The following CHODL variants were observed in gnomAD, a reference collection of about 807,000 sequenced individuals.
CHODL encodes the protein chondrolectin, also known as transmembrane protein MT75.
A neutral mutation model predicts 34.5 loss-of-function variants in CHODL; 29 were observed. That is an observed-to-expected ratio of 0.84 (90% confidence interval 0.63 to 1.15). The LOEUF is 1.15. Among genes scored for constraint, CHODL ranks in the 50% most tolerant of loss-of-function variants. The pLI, the probability that CHODL is intolerant of heterozygous loss-of-function variation, is 0.00. For synonymous variants in CHODL, 125 were observed against 116.1 expected, an observed-to-expected ratio of 1.08 and a Z score of -0.49; for missense variants, 332 against 332.5, an observed-to-expected ratio of 1.00 and a Z score of 0.01.
chr21:18,224,570 G>T (rs968519294), intron 2 of CHODL, among the ~76,000 whole-genome samples: 2 of 152,088 alleles, frequency 1.3e-5, no homozygotes, highest in African/African-American at 4.8e-5. Flanking sequence ...CACTATTCCT[G>T]GATCTCTATT....
chr21:18,240,713 A>T (rs2074073523), upstream of CHODL, among the ~76,000 whole-genome samples: 1 of 152,208 alleles, frequency 6.6e-6, no homozygotes, highest in Non-Finnish European at 1.5e-5. Flanking sequence ...AGATTTCATT[A>T]CTTTAAATTA....
At chr21:17,917,697 A>T (rs528295385) in intron 1 of CHODL, among the ~76,000 whole-genome samples, 1 of 152,338 alleles carries the variant, frequency 6.6e-6, no homozygotes, top group African/African-American at 2.4e-5. Context: ...CAAACCCAAC[A>T]GAAGCCAGAG....
intron 2 of CHODL, among the ~76,000 whole-genome samples, chr21:18,207,659 CTTTTTTT>C (rs34259143): frequency 1.8e-5 from 1 of 55,952 alleles, no homozygotes; most frequent in Non-Finnish European, 3.0e-5. Context: ...AATCTCTCAG[CTTTTTTT>C]TTTTTTTTTT....
chr21:18,166,682 A>C (rs1469804444), intron 2 of CHODL, among the ~76,000 whole-genome samples: 1 of 152,030 alleles, frequency 6.6e-6, no homozygotes, highest in African/African-American at 2.4e-5. Context: ...AAATTATATT[A>C]ATATATTTTC....
chr21:18,075,474 A>T (rs2064853473), intron 2 of CHODL, among the ~76,000 whole-genome samples: 1 of 152,114 alleles, frequency 6.6e-6, no homozygotes, highest in South Asian at 2.1e-4. Flanking sequence ...TCTTGGATTG[A>T]CCCTTCATCA....
intron 1 of CHODL, among the ~76,000 whole-genome samples, chr21:17,979,121 C>G (rs535461449): frequency 8.5e-5 from 13 of 152,280 alleles, no homozygotes; most frequent in South Asian, 2.1e-4. Context: ...GGTCCATAAC[C>G]TTGATTACAT....
At chr21:18,001,929 A>T (rs2063910993) in intron 1 of CHODL, among the ~76,000 whole-genome samples, 1 of 152,114 alleles carries the variant, frequency 6.6e-6, no homozygotes, top group East Asian at 1.9e-4. Flanking sequence ...GTAGAATAAT[A>T]AATCAATGGG....
At chr21:18,107,214 C>A (rs2065284234) in intron 2 of CHODL, among the ~76,000 whole-genome samples, 1 of 152,152 alleles carries the variant, frequency 6.6e-6, no homozygotes, top group South Asian at 2.1e-4. Context: ...TAATGAATTG[C>A]TGGAAGCTTA....
intron 1 of CHODL, among the ~76,000 whole-genome samples, chr21:17,945,167 G>A (rs185399571): frequency 2.7e-5 from 4 of 148,166 alleles, no homozygotes; most frequent in African/African-American, 7.5e-5. Flanking sequence ...AGCCGAGATC[G>A]CTCCACTGCA....
rs530554505 is a variant in CHODL, at chr21:18,036,796, A to G, written c.-45+8825A>G. Reference sequence around the variant, plus strand: ...GGCAGATATGAGTGACTTCAGTAAAATTCCCATAAAATAATTAGAACTCTA... The same window carrying G: ...GGCAGATATGAGTGACTTCAGTAAAGTTCCCATAAAATAATTAGAACTCTA... On this transcript the variant is annotated intron_variant, in intron 2 of 6. Coordinates refer to the CHODL transcript ENST00000400127. 2.0e-5 allele frequency among the ~76,000 whole-genome samples: 3 copies of G among 152,106 alleles called. No homozygotes were observed. The East Asian group carries it at 5.8e-4, about 30-fold the overall frequency.
At position 18,070,020 on chromosome 21, in the gene CHODL, TTCCCTCC is replaced by T. The variant is rs1206514507; in HGVS notation, c.-45+42050_-45+42056del. Among the ~76,000 whole-genome samples the T allele has an allele frequency of 3.3e-3, 196 of 58,924 alleles. 2 individuals carry two copies. Among genetic ancestry groups the T allele is most frequent in the African/African-American group, 0.01 (191 of 18,694 alleles). 38.7% of individuals were successfully genotyped at this position (58,924 alleles called of 152,430 possible). ...TTCCCTTCCCTTCCCTTCCCTTCCC[TTCCCTCC>T]CCCCCCCCACCCATTTCCTTTGCTT... On this transcript the variant is annotated intron_variant, in intron 2 of 6. Transcript: ENST00000400127.
chr21:17,956,374 T>G (rs539071011), intron 1 of CHODL, among the ~76,000 whole-genome samples: 1 of 136,626 alleles, frequency 7.3e-6, no homozygotes, highest in East Asian at 2.2e-4. Context: ...CAGAAGCAGA[T>G]GCTAGCACTA....
chr21:17,977,074 A>G (rs2063669313), intron 1 of CHODL, among the ~76,000 whole-genome samples: 1 of 152,204 alleles, frequency 6.6e-6, no homozygotes, highest in South Asian at 2.1e-4. Flanking sequence ...AGAAGGGATC[A>G]AGGTGGATTC....
intron 2 of CHODL, among the ~76,000 whole-genome samples, chr21:18,217,706 C>T (rs2073844019): frequency 2.0e-5 from 3 of 152,128 alleles, no homozygotes; most frequent in African/African-American, 7.2e-5. Flanking sequence ...ACCCAAAAGT[C>T]CAAGTCCAAA....
At chr21:17,984,185 T>C (rs2063735910) in intron 1 of CHODL, among the ~76,000 whole-genome samples, 1 of 152,212 alleles carries the variant, frequency 6.6e-6, no homozygotes, top group Admixed American at 6.5e-5. Context: ...TTATTTCATT[T>C]AGCATAGTGG....
intron 1 of CHODL, among the ~76,000 whole-genome samples, chr21:17,963,048 A>AGC (rs2063543551): frequency 1.5e-5 from 2 of 135,294 alleles, no homozygotes; most frequent in Non-Finnish European, 3.2e-5. Context: ...TGAGTGAAAG[A>AGC]GCGAGACTAT....
At chr21:18,033,247 T>C (rs756500741) in intron 2 of CHODL, among the ~76,000 whole-genome samples, 1 of 151,916 alleles carries the variant, frequency 6.6e-6, no homozygotes, top group Admixed American at 6.6e-5. Flanking sequence ...ATAAAAGCGG[T>C]GACCTGCATT....
chr21:18,066,342 C>T (rs1568868455), intron 2 of CHODL, among the ~76,000 whole-genome samples: 1 of 152,092 alleles, frequency 6.6e-6, no homozygotes, highest in Non-Finnish European at 1.5e-5. Context: ...AGTTTTATAT[C>T]TGGTTTTTAA....
intron 2 of CHODL, among the ~76,000 whole-genome samples, chr21:18,075,263 C>T (rs988396828): frequency 6.6e-5 from 10 of 152,156 alleles, no homozygotes; most frequent in Admixed American, 5.9e-4. Flanking sequence ...AGTTATAGAG[C>T]GTCACGCTTT....
Sources: allele counts gnomAD v4.1 joint callset (sites outside exome capture counted in the v4.1 genomes callset), GRCh38; gene constraint gnomAD v4.1.1; transcripts MANE v1.5; gene names NCBI Gene and HGNC (gene_info 2026-07-23, HGNC 2026-07-21).